Variants in CLCN7 observed in about 807,000 individuals in gnomAD.
CLCN7 encodes the protein Cl-/H+ antiporter 7.
Under a neutral mutation model 102.1 loss-of-function variants are expected in CLCN7, and 60 were observed. The ratio of observed to expected loss-of-function variants is 0.59; its 90% CI spans 0.48 to 0.73. CLCN7 has a LOEUF of 0.73. Ranked by LOEUF, CLCN7 falls within the 30% of genes least tolerant of loss-of-function variation. The pLI is 0.00. For synonymous variants in CLCN7, 560 were observed against 490.5 expected, an observed-to-expected ratio of 1.14 and a Z score of -1.87; for missense variants, 962 against 1,125.7, an observed-to-expected ratio of 0.85 and a Z score of 2.08.
Position 1,454,866 on chromosome 16 carries a change from C to G in CLCN7, c.1098+268G>C, listed in dbSNP as rs577148552. Among the ~76,000 whole-genome samples the G allele has an allele frequency of 3.9e-5, 6 of 152,354 alleles. No individual in the cohort carries two copies. The East Asian group carries it at 1.2e-3, about 29-fold the overall frequency. ...ACCTGCCCCGAGAGCGGCTGCTGCA[C>G]GTGCCCCCAGGCCGTGGGAGGCCCC... On this transcript the variant is annotated intron_variant, in intron 12 of 24. Transcript: ENST00000382745.
intron 2 of CLCN7, among the ~76,000 whole-genome samples, chr16:1,464,798 G>A (rs566679193): frequency 6.6e-6 from 1 of 152,222 alleles, no homozygotes; most frequent in African/African-American, 2.4e-5. Context: ...CCAGCGGCTG[G>A]GGGAAAAACC....
intron 4 of CLCN7, among the ~76,000 whole-genome samples, chr16:1,461,202 G>A (rs141784305): frequency 5.3e-5 from 8 of 152,348 alleles, no homozygotes; most frequent in African/African-American, 1.7e-4. Flanking sequence ...CGCATCTGGC[G>A]GCCGTAAGAG....
intron 1 of CLCN7, among the ~76,000 whole-genome samples, chr16:1,467,474 C>T (rs1424756471): frequency 6.6e-6 from 1 of 152,176 alleles, no homozygotes; most frequent in Non-Finnish European, 1.5e-5. Flanking sequence ...GCCTGGCCAG[C>T]TGCCCACTCC....
chr16:1,471,839 G>A (rs2039082244), intron 1 of CLCN7: 1 of 152,330 alleles, frequency 6.6e-6, no homozygotes, highest in African/African-American at 2.4e-5. Context: ...GAAGGCTGGG[G>A]CCCTTCAGGA....
At position 1,471,167 on chromosome 16, in the gene CLCN7, G is replaced by A. The variant is rs181560193; in HGVS notation, c.141+3667C>T. Among the ~76,000 whole-genome samples the A allele has an allele frequency of 8.8e-4, 134 of 152,196 alleles. 1 individual carries two copies. The highest frequency in any genetic ancestry group is 2.9e-3 in the African/African-American group (122 of 41,510). ...GCTCTGAAGGGCCTGGGCTTTCAGC[G>A]GGCACCCAGCCTCCAACAAGCCACT... On this transcript the variant is annotated intron_variant, in intron 1 of 24. Coordinates refer to ENST00000382745, the MANE Select transcript of CLCN7 (RefSeq NM_001287.6).
intron 1 of CLCN7, chr16:1,474,009 G>C (rs1401686530): frequency 5.2e-6 from 2 of 388,340 alleles, no homozygotes; most frequent in Non-Finnish European, 1.0e-5. Flanking sequence ...ACTTAAACTC[G>C]GGAGGTGGGG....
Position 1,459,122 on chromosome 16 carries a change from G to T in CLCN7, c.660C>A (p.His220Gln), listed in dbSNP as rs12923538. 3 of 1,611,596 alleles carry T rather than the reference G, an allele frequency of 1.9e-6. No homozygotes were observed. The highest frequency in any genetic ancestry group is 2.5e-6 in the Non-Finnish European group (3 of 1,178,628). The change falls in exon 7 of 25, where the codon CAC (histidine) becomes CAA (glutamine). Residue 220 changes from histidine to glutamine, a missense_variant. His to Gln is a conservative substitution (Grantham distance 24, BLOSUM62 0). Around this residue, in one of 2 missense-constraint regions of CLCN7, gnomAD observed 799 missense variants for 988.0 expected, o/e 0.81. Coordinates refer to ENST00000382745, the MANE Select transcript of CLCN7 (RefSeq NM_001287.6). ...GCACCCTCACCTTGAGCCGCACCAC[G>T]TGGGGGATCTTCACCCCGTTGAGGA... The part of the protein sequence containing the change: ...KCFLNGVKIP[H>Q]VVRLKTLVIK...
chr16:1,458,939 A>C (rs370473934), intron 7 of CLCN7, among the ~76,000 whole-genome samples, 168 bp downstream of exon 7: 81 of 152,344 alleles, frequency 5.3e-4, no homozygotes, highest in African/African-American at 1.9e-3. Flanking sequence ...TACCACTTTC[A>C]GAAAAAAAGG....
chr16:1,447,322 C>A, intron 23 of CLCN7, 70 bp downstream of exon 23: 1 of 1,473,048 alleles, frequency 6.8e-7, no homozygotes, highest in Non-Finnish European at 9.1e-7. Flanking sequence ...TGCCCCTCCC[C>A]GAGGCTCTGG....
chr16:1,456,859 A>G (rs971894645), intron 9 of CLCN7, among the ~76,000 whole-genome samples: 7 of 151,680 alleles, frequency 4.6e-5, no homozygotes, highest in African/African-American at 1.5e-4. Flanking sequence ...AAAAAATACA[A>G]TCACACACAA....
rs765603311 is a variant in CLCN7, at chr16:1,446,338, G to A, written c.*293C>T. The A allele has an allele frequency of 4.0e-5, 28 of 702,028 alleles. 1 individual carries two copies. Among genetic ancestry groups the A allele is most frequent in the Middle Eastern group, 2.4e-4 (1 of 4,216 alleles). The allele number at this position is 702,028 out of a possible 1,614,324, so 43.5% of individuals were successfully genotyped here. A position where few individuals can be genotyped will look rare whatever the true frequency, so the allele number is the denominator to read the frequency against. On this transcript the variant is annotated 3_prime_UTR_variant, in exon 25 of 25. Transcript: ENST00000382745. ...CTGGCTCCCAAGAGGCCGATAGCCC[G>A]GTAGGGAGGTCACACACACACAGCT...
Position 1,447,081 on chromosome 16 carries a change from C to T in CLCN7, c.2256G>A (p.Ala752=), listed in dbSNP as rs752493092. 1.4e-5 allele frequency: 23 copies of T among 1,597,166 alleles called. No individual in the cohort carries two copies. The Admixed American group carries it at 2.4e-4, about 16-fold the overall frequency. ...ACAGCTTGAACACCCGTGGGAGCGA[C>T]GCCTCCTGCAGCAGGGGCACAGCTG... ...NPSPYTVPQE[A]SLPRVFKLFR... The change falls in exon 24 of 25, where the codon GCG becomes GCA. Residue 752 remains alanine (A), a synonymous_variant. Transcript: ENST00000382745.
Position 1,449,105 on chromosome 16 carries a change from A to G in CLCN7, c.1670-12T>C, listed in dbSNP as rs1262408394. Reference sequence around the variant, plus strand: ...CCGCACAATCCCGCCTGCGGGAGCCATCATGAACCCCAGCACGTCCACCCT... The same window carrying G: ...CCGCACAATCCCGCCTGCGGGAGCCGTCATGAACCCCAGCACGTCCACCCT... On this transcript the variant is annotated splice_polypyrimidine_tract_variant and intron_variant, in intron 18 of 24. Transcript: ENST00000382745. 6.2e-6 allele frequency: 10 copies of G among 1,612,750 alleles called. No homozygotes were observed. Among genetic ancestry groups the G allele is most frequent in the South Asian group, 1.1e-5 (1 of 91,068 alleles).
rs772746271 is a variant in CLCN7, at chr16:1,460,832, G to A, written c.468C>T (p.Tyr156=). ...IVVENLAGLK[Y]RVIKGNIDKF... ...GAAGGATACTGCCCTTGATGACCCT[G>A]TACTTGAGGCCAGCCAGGTTTTCCA... Residue 156 remains tyrosine (Y), a synonymous_variant, in exon 5 of 25, where the codon TAC becomes TAT. Coordinates refer to ENST00000382745, the MANE Select transcript of CLCN7 (RefSeq NM_001287.6). The A allele has an allele frequency of 6.2e-7, 1 of 1,614,046 alleles. No homozygotes were observed. The highest frequency in any genetic ancestry group is 1.7e-5 in the Admixed American group (1 of 60,026).
chr16:1,450,550 C>T lies in CLCN7; in HGVS notation c.1564G>A (p.Ala522Thr), dbSNP rs768299401. The T allele has an allele frequency of 6.2e-7, 1 of 1,611,484 alleles. No individual in the cohort carries two copies. The highest frequency in any genetic ancestry group is 8.5e-7 in the Non-Finnish European group (1 of 1,179,440). The change falls in exon 17 of 25, where the codon GCT becomes ACT. Residue 522 changes from alanine (A) to threonine (T), a missense_variant. Physicochemically the swap from Ala to Thr is moderately conservative, Grantham distance 58. Coordinates refer to ENST00000382745, the MANE Select transcript of CLCN7 (RefSeq NM_001287.6). ...ATCCCAAAGAGCCGGCCCCAGGCAG[C>T]CCCGATGAGCAGGGACGGGATGAAG... The part of the protein sequence containing the change: ...GVFIPSLLIG[A>T]AWGRLFGISL...
chr16:1,447,911 C>A (rs962078814), intron 21 of CLCN7, among the ~76,000 whole-genome samples, 197 bp from the exon 22 acceptor site: 1 of 152,328 alleles, frequency 6.6e-6, no homozygotes, highest in South Asian at 2.1e-4. Flanking sequence ...CAAGGATCGG[C>A]GACAGGGTAG....
At chr16:1,471,257 T>C (rs2039074058) in intron 1 of CLCN7, among the ~76,000 whole-genome samples, 1 of 151,988 alleles carries the variant, frequency 6.6e-6, no homozygotes, top group South Asian at 2.1e-4. Context: ...CACGCTGAGG[T>C]GGCAACGACA....
intron 21 of CLCN7, among the ~76,000 whole-genome samples, chr16:1,448,133 C>G (rs2038682564): frequency 6.6e-6 from 1 of 152,224 alleles, no homozygotes; most frequent in Non-Finnish European, 1.5e-5. Flanking sequence ...TCAGCCCAGC[C>G]TGGGTGCCAA....
intron 15 of CLCN7, 75 bp from the exon 16 acceptor site, chr16:1,451,791 C>A: frequency 8.6e-7 from 1 of 1,163,566 alleles, no homozygotes; most frequent in South Asian, 1.3e-5. Context: ...CTGGTGTCGC[C>A]GTGAGAGGCC....
Sources: gnomAD v4.1 joint callset for allele counts (sites outside exome capture counted in the v4.1 genomes callset) on GRCh38, gnomAD v4.1.1 for gene constraint, gnomAD v4.1.1 regional missense constraint, MANE v1.5 for transcripts, NCBI Gene and HGNC (gene_info 2026-07-23, HGNC 2026-07-21) for gene names.